TPD52: variants seen among roughly 807,000 people sequenced by gnomAD.
TPD52 encodes the protein tumor protein D52, also known as prostate and colon associated protein.
Under a neutral mutation model 31.3 loss-of-function variants are expected in TPD52, and 17 were observed. The observed-to-expected ratio is 0.54, with a 90% CI of 0.37 to 0.82. The LOEUF is 0.82. Ranked by LOEUF, TPD52 falls within the 40% of genes least tolerant of loss-of-function variation. The pLI, the probability that TPD52 is intolerant of heterozygous loss-of-function variation, is 0.00. For synonymous variants in TPD52, 83 were observed against 89.6 expected, an observed-to-expected ratio of 0.93 and a Z score of 0.42; for missense variants, 212 against 240.1, an observed-to-expected ratio of 0.88 and a Z score of 0.77.
intron 1 of TPD52, chr8:80,080,841 C>A: frequency 1.4e-6 from 1 of 720,356 alleles, no homozygotes; most frequent in Non-Finnish European, 1.7e-6. Flanking sequence ...GGCTGACTTA[C>A]AACAAGAAAC....
rs754306174 is a variant in TPD52 at position 80,038,066 on chromosome 8, G to C, written c.*50C>G. 32 of 1,602,030 alleles carry C rather than the reference G, an allele frequency of 2.0e-5. No individual in the cohort carries two copies. The highest frequency in any genetic ancestry group is 2.6e-5 in the Non-Finnish European group (31 of 1,171,070). ...AATGCATGTTGACAAGATGTGCTTG[G>C]ACCTCGCTTGCAGCATCTGGCAGTG... On this transcript the variant is annotated 3_prime_UTR_variant, in exon 8 of 8. Transcript: ENST00000518937.
chr8:80,040,973 C>T (rs1810321901), intron 7 of TPD52, among the ~76,000 whole-genome samples: 1 of 152,102 alleles, frequency 6.6e-6, no homozygotes. Context: ...CACAAAGCAC[C>T]CTGCTAGTGA....
Position 80,053,471 on chromosome 8 carries a change from AT to A in TPD52, c.136-42del, listed in dbSNP as rs1275730090. 6 of 1,591,656 alleles carry A rather than the reference AT, an allele frequency of 3.8e-6. No individual in the cohort carries two copies. The African/African-American group carries it at 8.1e-5, about 21-fold the overall frequency. On this transcript the variant is annotated intron_variant, in intron 2 of 7. Coordinates refer to ENST00000518937, the MANE Select transcript of TPD52 (RefSeq NM_001025253.3). ...TTGGGGTAAGAATATAGCAAAAGTC[AT>A]TCAGTAAGTTAAGATTATTACCACA...
chr8:80,088,958 G>T (rs1014309681), intron 1 of TPD52, among the ~76,000 whole-genome samples: 1 of 152,226 alleles, frequency 6.6e-6, no homozygotes, highest in Non-Finnish European at 1.5e-5. Context: ...GCCTCCCAAA[G>T]TGCTGGGATT....
chr8:80,146,886 T>A (rs1006433143), intron 1 of TPD52, among the ~76,000 whole-genome samples: 1 of 152,084 alleles, frequency 6.6e-6, no homozygotes, highest in Non-Finnish European at 1.5e-5. Flanking sequence ...CACAAAAAAA[T>A]CCCATGCTAT....
chr8:80,039,100 T>C (rs1044593300), intron 7 of TPD52, among the ~76,000 whole-genome samples: 24 of 152,236 alleles, frequency 1.6e-4, no homozygotes, highest in African/African-American at 5.5e-4. Flanking sequence ...TTGACCTTGC[T>C]CTTAGCTCAA....
intron 1 of TPD52, among the ~76,000 whole-genome samples, chr8:80,134,393 T>G (rs1809244777): frequency 6.6e-6 from 1 of 152,230 alleles, no homozygotes; most frequent in East Asian, 1.9e-4. Flanking sequence ...TTCCAATGTC[T>G]TAATGCTCAT....
chr8:80,145,023 G>A (rs1810096754), intron 1 of TPD52, among the ~76,000 whole-genome samples: 1 of 152,132 alleles, frequency 6.6e-6, no homozygotes, highest in African/African-American at 2.4e-5. Context: ...CACCACATGA[G>A]GTTCAAAATG....
chr8:80,144,601 A>C (rs1810065573), intron 1 of TPD52, among the ~76,000 whole-genome samples: 1 of 152,164 alleles, frequency 6.6e-6, no homozygotes, highest in African/African-American at 2.4e-5. Flanking sequence ...TAGGTTTCTG[A>C]ATAGTGGTCT....
Position 80,171,317 on chromosome 8 carries a change from G to C in TPD52, c.19+108C>G, listed in dbSNP as rs765755110. On this transcript the variant is annotated intron_variant, in intron 1 of 7. Transcript: ENST00000518937. ...CTTGCGGCGCCGGCCCAGGAGGCTC[G>C]GCACCTGCTCGAGCCGCCGGGCCGC... 3.8e-4 allele frequency: 539 copies of C among 1,435,020 alleles called. No individual in the cohort carries two copies. Among genetic ancestry groups the C allele is most frequent in the Non-Finnish European group, 4.9e-4 (513 of 1,044,558 alleles). 88.9% of individuals were successfully genotyped at this position (1,435,020 alleles called of 1,614,324 possible).
intron 1 of TPD52, among the ~76,000 whole-genome samples, chr8:80,077,005 A>T (rs1472169382): frequency 6.7e-6 from 1 of 149,234 alleles, no homozygotes; most frequent in Non-Finnish European, 1.5e-5. Context: ...GGCCCGGCCC[A>T]GTGGCTCACG....
In TPD52 at chr8:80,104,324, G is replaced by A. The variant is rs76010930; in HGVS notation, c.20-39731C>T. On this transcript the variant is annotated intron_variant, in intron 1 of 7. Transcript: ENST00000518937. The stretch of plus-strand genomic sequence containing the variant: ...CTCATAATAGCATCTCAGAACCTAA[G>A]CTCTTCTAAAAGAATGGGCAAATCT... Among the ~76,000 whole-genome samples the A allele has an allele frequency of 5.8e-4, 88 of 152,282 alleles. No homozygotes were observed. The East Asian group carries it at 6.7e-3, about 12-fold the overall frequency.
rs1426914396 is a variant in TPD52 at position 80,038,172 on chromosome 8, TTG to T, written c.566_567del (p.Ala189GlufsTer3). 9 of 1,613,936 alleles carry T rather than the reference TTG, an allele frequency of 5.6e-6. No individual in the cohort carries two copies. In the African/African-American group the frequency reaches 1.1e-4, roughly 19 times the overall value. On this transcript the variant is annotated frameshift_variant, in exon 8 of 8. Coordinates refer to ENST00000518937, the MANE Select transcript of TPD52 (RefSeq NM_001025253.3). LOFTEE classifies it high-confidence loss of function. ...GGCTCCGTGGTGGTGGCACTAGCAT[TTG>T]CAGCCGAATTCAAGACTTCTCCAAA... is the stretch of plus-strand genomic sequence containing the variant. ...GDFGEVLNSA[A>X]NASATTTEPL...
chr8:80,171,158 G>A lies in TPD52; in HGVS notation c.19+267C>T, dbSNP rs565857785. ...GCCAGCCCCTGACGCTAGCCCCTTC[G>A]CCACCTCCCAGAACCTTCTCTCCCT... On this transcript the variant is annotated intron_variant, in intron 1 of 7. Transcript: ENST00000518937. The A allele has an allele frequency of 4.1e-4, 286 of 692,298 alleles. 1 individual carries two copies. The African/African-American group carries it at 4.6e-3, about 11-fold the overall frequency. The allele number at this position is 692,298 out of a possible 1,614,324, so 42.9% of individuals were successfully genotyped here.
chr8:80,108,619 A>G (rs935555859), intron 1 of TPD52, among the ~76,000 whole-genome samples: 2 of 152,252 alleles, frequency 1.3e-5, no homozygotes, highest in African/African-American at 2.4e-5. Flanking sequence ...CAGGTTTCTT[A>G]TAACTTTAAA....
intron 1 of TPD52, among the ~76,000 whole-genome samples, chr8:80,110,479 G>C (rs1807425482): frequency 6.6e-6 from 1 of 151,686 alleles, no homozygotes; most frequent in African/African-American, 2.4e-5. Flanking sequence ...TTACGTCCAA[G>C]TTTATAAATG....
chr8:80,051,648 C>T lies in TPD52; in HGVS notation c.285-20G>A, dbSNP rs780468600. On this transcript the variant is annotated intron_variant, in intron 3 of 7. Transcript: ENST00000518937. ...TTGTAACTATATTAAATTATAAACA[C>T]ACAGAGCAAAAGAAGGGTCAGCTCA... 2 of 1,561,562 alleles carry T rather than the reference C, an allele frequency of 1.3e-6. No homozygotes were observed. The highest frequency in any genetic ancestry group is 2.8e-5 in the African/African-American group (2 of 72,080).
At position 80,086,606 on chromosome 8, in the gene TPD52, G is replaced by A. The variant is rs74605720; in HGVS notation, c.20-22013C>T. 8.7e-3 allele frequency among the ~76,000 whole-genome samples: 1,326 copies of A among 151,994 alleles called. 20 individuals carry two copies. Among genetic ancestry groups the A allele is most frequent in the African/African-American group, 0.031 (1,270 of 41,476 alleles). On this transcript the variant is annotated intron_variant, in intron 1 of 7. Transcript: ENST00000518937. ...TCAAATTTACTGGCTGGGCTTGGTG[G>A]CTCACACCTGTAATCCTGGCACTTT...
chr8:80,077,740 G>A (rs1249207090), intron 1 of TPD52, among the ~76,000 whole-genome samples: 1 of 152,174 alleles, frequency 6.6e-6, no homozygotes, highest in Non-Finnish European at 1.5e-5. Context: ...CCTTACCAGT[G>A]TCATTCATTC....
Sources: gnomAD v4.1 joint callset for allele counts (sites outside exome capture counted in the v4.1 genomes callset) on GRCh38, gnomAD v4.1.1 for gene constraint, MANE v1.5 for transcripts, NCBI Gene and HGNC (gene_info 2026-07-23, HGNC 2026-07-21) for gene names.